The following DNAH11 variants were observed in gnomAD, a reference collection of about 807,000 sequenced individuals.
DNAH11 encodes the protein axonemal beta dynein heavy chain 11.
DNAH11 carries 442 observed loss-of-function variants against 526.0 expected under a neutral mutation model. The observed-to-expected ratio is 0.84, with a 90% confidence interval of 0.78 to 0.91. The LOEUF is 0.91. DNAH11 is among the 40% of genes least tolerant of loss of function. The probability of loss-of-function intolerance (pLI) is 0.00; values close to 1 mark genes in which losing one functional copy is unlikely to be tolerated. For missense variants in DNAH11, 6,989 were observed against 5,448.7 expected, an observed-to-expected ratio of 1.28 and a Z score of -8.90; for synonymous variants, 2,461 against 1,935.9, an observed-to-expected ratio of 1.27 and a Z score of -7.12.
chr7:21,850,959 C>G (rs1782609022), intron 66 of DNAH11, among the ~76,000 whole-genome samples: 2 of 152,130 alleles, frequency 1.3e-5, no homozygotes, highest in Non-Finnish European at 1.5e-5. Flanking sequence ...ATTCTTTTCT[C>G]TTATAATTAC....
intron 12 of DNAH11, 75 bp downstream of exon 12, chr7:21,589,478 T>C: frequency 7.9e-7 from 1 of 1,272,138 alleles, no homozygotes; most frequent in Non-Finnish European, 1.1e-6. Context: ...TTTCCAGTCA[T>C]TTGTAATTTA....
chr7:21,748,549 T>G (rs952787527), intron 51 of DNAH11, 31 bp from the exon 52 acceptor site: 2 of 1,447,300 alleles, frequency 1.4e-6, no homozygotes, highest in Non-Finnish European at 1.8e-6. Context: ...ATTTTCGATT[T>G]TGTGCCATAA....
At chr7:21,789,816 CT>C (rs1369471553) in intron 61 of DNAH11, among the ~76,000 whole-genome samples, 11 of 70,060 alleles carry the variant, frequency 1.6e-4, no homozygotes, top group Middle Eastern at 6.9e-3. Flanking sequence ...TTTTTTCTTT[CT>C]TTCTTTCTTT....
intron 70 of DNAH11, among the ~76,000 whole-genome samples, chr7:21,865,969 A>T (rs1783257430): frequency 6.6e-6 from 1 of 152,218 alleles, no homozygotes; most frequent in Non-Finnish European, 1.5e-5. Flanking sequence ...GAGGACAACC[A>T]GAGGTCACCC....
intron 25 of DNAH11, among the ~76,000 whole-genome samples, chr7:21,634,803 C>T (rs188785569): frequency 3.3e-5 from 5 of 152,064 alleles, no homozygotes; most frequent in Admixed American, 3.3e-4. Flanking sequence ...TATGTACCCC[C>T]CCGAACCCAA....
At chr7:21,834,736 C>G (rs180954941) in intron 65 of DNAH11, among the ~76,000 whole-genome samples, 1 of 151,996 alleles carries the variant, frequency 6.6e-6, no homozygotes, top group African/African-American at 2.4e-5. Flanking sequence ...GCTCTAACTA[C>G]CTGGAGGCCG....
intron 61 of DNAH11, among the ~76,000 whole-genome samples, chr7:21,800,879 C>G (rs924030046): frequency 1.3e-5 from 2 of 152,200 alleles, no homozygotes; most frequent in African/African-American, 4.8e-5. Flanking sequence ...ACCCCAGTCG[C>G]TCCCTGCATT....
Position 21,559,728 on chromosome 7 carries a change from C to G in DNAH11, c.818C>G (p.Ser273Cys). 1 of 1,609,304 alleles carries G rather than the reference C, an allele frequency of 6.2e-7. No homozygotes were observed. Among genetic ancestry groups the G allele is most frequent in the East Asian group, 2.2e-5 (1 of 44,738 alleles). The change falls in exon 4 of 82, where the codon TCT becomes TGT. Residue 273 changes from serine to cysteine, a missense_variant. Ser to Cys is a moderately radical substitution (Grantham distance 112). Coordinates refer to ENST00000409508, the MANE Select transcript of DNAH11 (RefSeq NM_001277115.2). The part of the protein sequence containing the change: ...VQRLLNGLHL[S>C]PQAELDFWMM... ...CGTTTGTTGAATGGTCTTCACTTGT[C>G]TCCTCAAGCAGAACTAGATTTCTGG... is the stretch of plus-strand genomic sequence containing the variant.
chr7:21,610,331 C>G (rs934918976), intron 20 of DNAH11, among the ~76,000 whole-genome samples: 1 of 152,120 alleles, frequency 6.6e-6, no homozygotes, highest in Non-Finnish European at 1.5e-5. Context: ...GGTCTATGGT[C>G]CGGTTTTATA....
intron 74 of DNAH11, 62 bp downstream of exon 74, chr7:21,873,563 G>T: frequency 2.0e-6 from 3 of 1,515,642 alleles, no homozygotes; most frequent in Non-Finnish European, 2.7e-6. Flanking sequence ...AGACTGTGGG[G>T]CCCAGAATCA....
intron 6 of DNAH11, among the ~76,000 whole-genome samples, chr7:21,565,843 G>A (rs1477843681): frequency 6.6e-6 from 1 of 152,158 alleles, no homozygotes; most frequent in Non-Finnish European, 1.5e-5. Flanking sequence ...TGACTTACAG[G>A]CTAGTTGCAG....
intron 14 of DNAH11, among the ~76,000 whole-genome samples, chr7:21,593,025 A>G (rs1372444901): frequency 6.6e-6 from 1 of 152,200 alleles, no homozygotes; most frequent in Non-Finnish European, 1.5e-5. Context: ...ATTTATGCAC[A>G]TATGTATGGT....
At chr7:21,585,310 G>A (rs1279190724) in intron 9 of DNAH11, among the ~76,000 whole-genome samples, 1 of 152,090 alleles carries the variant, frequency 6.6e-6, no homozygotes, top group African/African-American at 2.4e-5. Flanking sequence ...TGCTGATGAG[G>A]GTAAACTGCT....
chr7:21,615,321 C>G lies in DNAH11; in HGVS notation c.4011+49C>G, dbSNP rs2128452344. ...TGCTTTTTATTTAGTAGTTCTTTTA[C>G]ATATGCAGTTTGTGGAGCCTATATT... On this transcript the variant is annotated intron_variant, in intron 21 of 81. Transcript: ENST00000409508. 4.4e-6 allele frequency: 7 copies of G among 1,590,884 alleles called. No individual in the cohort carries two copies. The East Asian group carries it at 1.6e-4, about 36-fold the overall frequency.
intron 40 of DNAH11, among the ~76,000 whole-genome samples, chr7:21,710,337 G>T (rs1180757918): frequency 6.6e-6 from 1 of 152,132 alleles, no homozygotes; most frequent in South Asian, 2.1e-4. Flanking sequence ...AAGCTCAGTC[G>T]TGGAAGTTAA....
At chr7:21,626,952 G>A (rs1376115285) in intron 25 of DNAH11, among the ~76,000 whole-genome samples, 1 of 151,880 alleles carries the variant, frequency 6.6e-6, no homozygotes, top group Non-Finnish European at 1.5e-5. Context: ...GGGTTTCACT[G>A]TGTTAGCCAG....
chr7:21,851,712 C>T, intron 66 of DNAH11: 1 of 468,158 alleles, frequency 2.1e-6, no homozygotes, highest in Admixed American at 2.4e-5. Flanking sequence ...GCTCTACTTG[C>T]ATGTCAGTGT....
chr7:21,667,952 A>G (rs1782485069), intron 30 of DNAH11, among the ~76,000 whole-genome samples: 1 of 152,180 alleles, frequency 6.6e-6, no homozygotes, highest in Non-Finnish European at 1.5e-5. Flanking sequence ...CTTCCTAAAT[A>G]GGACCCTGTT....
intron 30 of DNAH11, among the ~76,000 whole-genome samples, chr7:21,676,228 C>G (rs1279548230): frequency 2.0e-5 from 3 of 152,146 alleles, no homozygotes; most frequent in Non-Finnish European, 4.4e-5. Context: ...AGGAAAATAG[C>G]CACTTGAGTT....
Sources: allele counts gnomAD v4.1 joint callset (sites outside exome capture counted in the v4.1 genomes callset), GRCh38; gene constraint gnomAD v4.1.1; transcripts MANE v1.5; gene names NCBI Gene and HGNC (gene_info 2026-07-23, HGNC 2026-07-21).